The following CNTRL variants were observed in gnomAD, a reference collection of about 807,000 sequenced individuals.
CNTRL encodes the protein 110 kDa centrosomal protein.
CNTRL carries 233 observed loss-of-function variants against 303.7 expected under a neutral mutation model. The observed-to-expected ratio is 0.77, with a 90% CI of 0.69 to 0.86. The LOEUF (loss-of-function observed/expected upper bound fraction) is 0.86. CNTRL is among the 40% of genes least tolerant of loss of function. CNTRL has a pLI of 0.00. For synonymous variants in CNTRL, 900 were observed against 922.2 expected (o/e 0.98, Z 0.44); for missense variants, 2,524 against 2,650.6 (o/e 0.95, Z 1.05).
intron 14 of CNTRL, among the ~76,000 whole-genome samples, chr9:121,133,874 T>C (rs933072033): frequency 5.9e-5 from 9 of 152,240 alleles, no homozygotes; most frequent in African/African-American, 2.2e-4. Context: ...CCTTTGCTTC[T>C]AAATATTTCA....
chr9:121,093,052 C>T (rs142051682), intron 4 of CNTRL, among the ~76,000 whole-genome samples: 4,045 of 151,218 alleles, frequency 0.027, 182 homozygotes, highest in African/African-American at 0.094. Context: ...TGTGATCTCC[C>T]CTCCTCGGCT....
At chr9:121,136,320 T>C (rs533958237) in intron 15 of CNTRL, among the ~76,000 whole-genome samples, 1 of 151,300 alleles carries the variant, frequency 6.6e-6, no homozygotes, top group Non-Finnish European at 1.5e-5. Context: ...TTTAAGGACT[T>C]TTTTTTTTGA....
chr9:121,152,657 A>C lies in CNTRL; in HGVS notation c.4136A>C (p.Glu1379Ala). The C allele has an allele frequency of 6.2e-7, 1 of 1,613,876 alleles. No homozygotes were observed. Among genetic ancestry groups the C allele is most frequent in the Non-Finnish European group, 8.5e-7 (1 of 1,179,756 alleles). Residue 1379 changes from glutamate (E) to alanine (A), a missense_variant, in exon 26 of 44, where the codon GAA becomes GCA. Coordinates refer to ENST00000373855, the MANE Select transcript of CNTRL (RefSeq NM_007018.6). ...AAAAGCTTAGAGTGTGAAGTAGAAG[A>C]ATTACATAGAACTGTCCAGAAACGT... ...EKKSLECEVE[E>A]LHRTVQKRQQ...
At chr9:121,078,297 A>G (rs2048007789) in intron 1 of CNTRL, among the ~76,000 whole-genome samples, 1 of 152,110 alleles carries the variant, frequency 6.6e-6, no homozygotes, top group Admixed American at 6.5e-5. Flanking sequence ...AATCCCAGTT[A>G]CTCAGTAGGT....
intron 12 of CNTRL, 39 bp downstream of exon 12, chr9:121,118,579 T>A: frequency 6.8e-7 from 1 of 1,465,822 alleles, no homozygotes; most frequent in Non-Finnish European, 9.2e-7. Context: ...TCTGTCTACA[T>A]ATTACATGTC....
At chr9:121,166,588 G>T (rs1405954831) in intron 36 of CNTRL, among the ~76,000 whole-genome samples, 1 of 152,170 alleles carries the variant, frequency 6.6e-6, no homozygotes, top group African/African-American at 2.4e-5. Flanking sequence ...CCTCTATCTT[G>T]TCAGATATTG....
In CNTRL at chr9:121,152,665, A is replaced by G. The variant is rs2052345470; in HGVS notation, c.4144A>G (p.Arg1382Gly). ...SLECEVEELH[R>G]TVQKRQQQKD... Reference sequence around the variant, plus strand: ...AGAGTGTGAAGTAGAAGAATTACATAGAACTGTCCAGAAACGTCAACAGCA... The same window carrying G: ...AGAGTGTGAAGTAGAAGAATTACATGGAACTGTCCAGAAACGTCAACAGCA... Residue 1382 changes from arginine to glycine, a missense_variant, in exon 26 of 44, where the codon AGA becomes GGA. Transcript: ENST00000373855. 1 of 1,613,072 alleles carries G rather than the reference A, an allele frequency of 6.2e-7. No individual in the cohort carries two copies. The highest frequency in any genetic ancestry group is 1.7e-5 in the Admixed American group (1 of 59,970).
At position 121,123,959 on chromosome 9, in the gene CNTRL, A is replaced by G. The variant is rs2050372723; in HGVS notation, c.1679A>G (p.Lys560Arg). Residue 560 changes from lysine (K) to arginine (R), a missense_variant, in exon 13 of 44, where the codon AAA becomes AGA. Lys to Arg is a conservative substitution (Grantham distance 26, BLOSUM62 2). Transcript: ENST00000373855. ...HSHMKAQKSG[K>R]EQQLDIMNKQ... ...CATATGAAGGCTCAAAAGAGCGGTA[A>G]AGAACAACAGCTTGACATTATGAAC... 6.2e-7 allele frequency: 1 copy of G among 1,606,982 alleles called. No individual in the cohort carries two copies. Among genetic ancestry groups the G allele is most frequent in the Admixed American group, 1.7e-5 (1 of 58,744 alleles).
In CNTRL at chr9:121,148,795, C is replaced by A. The variant is rs762515435; in HGVS notation, c.3583C>A (p.Pro1195Thr). The A allele has an allele frequency of 4.3e-6, 7 of 1,614,040 alleles. No homozygotes were observed. Among genetic ancestry groups the A allele is most frequent in the South Asian group, 2.2e-5 (2 of 91,068 alleles). The change falls in exon 24 of 44, where the codon CCT (proline) becomes ACT (threonine). Residue 1195 changes from proline to threonine, a missense_variant. Coordinates refer to ENST00000373855, the MANE Select transcript of CNTRL (RefSeq NM_007018.6). ...QDGKEGSQPP[P>T]ASGYWVYSPI... ...TGGGAAGGAAGGCAGTCAACCTCCC[C>A]CTGCCTCAGGATACTGGGTTTATTC...
rs944913265 is a variant in CNTRL, at chr9:121,142,202, C to A, written c.2803C>A (p.Leu935Ile). 6.2e-7 allele frequency: 1 copy of A among 1,612,300 alleles called. No individual in the cohort carries two copies. The highest frequency in any genetic ancestry group is 8.5e-7 in the Non-Finnish European group (1 of 1,179,280). The change falls in exon 19 of 44, where the codon CTC becomes ATC. Residue 935 changes from leucine to isoleucine, a missense_variant. Transcript: ENST00000373855. Reference protein sequence around the residue: ...SMEEIQGLTDLQLQEADEEKE... With the variant: ...SMEEIQGLTDIQLQEADEEKE... ...GGAGGAAATCCAAGGCCTTACAGAT[C>A]TCCAACTTCAGGAAGCTGATGAAGA... is the stretch of plus-strand genomic sequence containing the variant.
At chr9:121,152,967 G>T (rs896307021) in intron 26 of CNTRL, among the ~76,000 whole-genome samples, 1 of 152,034 alleles carries the variant, frequency 6.6e-6, no homozygotes, top group African/African-American at 2.4e-5. Flanking sequence ...TCTTATTGTA[G>T]TCCCTCTTGG....
At chr9:121,131,906 G>A (rs1488599587) in intron 14 of CNTRL, among the ~76,000 whole-genome samples, 1 of 152,180 alleles carries the variant, frequency 6.6e-6, no homozygotes, top group Non-Finnish European at 1.5e-5. Context: ...TAGTTTGGTT[G>A]AATATGAGAT....
intron 20 of CNTRL, 81 bp from the exon 21 acceptor site, chr9:121,144,762 G>A: frequency 9.1e-7 from 1 of 1,098,954 alleles, no homozygotes; most frequent in Non-Finnish European, 1.4e-6. Context: ...GATGAAAGCA[G>A]AAGAATCAAT....
intron 18 of CNTRL, 67 bp from the exon 19 acceptor site, chr9:121,142,024 A>C: frequency 7.6e-7 from 1 of 1,324,360 alleles, no homozygotes; most frequent in Non-Finnish European, 1.0e-6. Flanking sequence ...AATTCTATAA[A>C]AAGTTTTTAT....
At chr9:121,088,575 C>T (rs1442911519) in intron 3 of CNTRL, 32 bp downstream of exon 3, 1 of 1,411,652 alleles carries the variant, frequency 7.1e-7, no homozygotes, top group South Asian at 1.2e-5. Flanking sequence ...ATTGGTCTGA[C>T]CACATACTTC....
At chr9:121,141,864 G>T (rs999910350) in intron 18 of CNTRL, among the ~76,000 whole-genome samples, 8 of 152,144 alleles carry the variant, frequency 5.3e-5, no homozygotes, top group Non-Finnish European at 1.0e-4. Context: ...CTAGAGTATG[G>T]TGTGTTGCCA....
intron 12 of CNTRL, among the ~76,000 whole-genome samples, chr9:121,119,521 C>G (rs1433757822): frequency 6.6e-6 from 1 of 151,998 alleles, no homozygotes; most frequent in Admixed American, 6.6e-5. Flanking sequence ...GTCTTGATCT[C>G]CTGACCTTGT....
rs1234196945 is a variant in CNTRL, at chr9:121,168,162, C to T, written c.5911C>T (p.Leu1971=). ...CAAATTAGAAACCAGTAAAGTGACA[C>T]TGAAGGAGCAACAGCACCAGCTGGA... The part of the protein sequence containing the change: ...ESKLETSKVT[L]KEQQHQLEKE... Residue 1971 remains leucine (L), a synonymous_variant, in exon 38 of 44, where the codon CTG becomes TTG. Transcript: ENST00000373855. 2.0e-5 allele frequency: 33 copies of T among 1,613,950 alleles called. No homozygotes were observed. Among genetic ancestry groups the T allele is most frequent in the Non-Finnish European group, 2.8e-5 (33 of 1,180,036 alleles).
At chr9:121,112,648 G>T in intron 9 of CNTRL, 70 bp downstream of exon 9, 1 of 1,469,926 alleles carries the variant, frequency 6.8e-7, no homozygotes, top group African/African-American at 1.4e-5. Context: ...GAGGGCAGGT[G>T]GTGAGGACAT....
Sources: gnomAD v4.1 joint callset for allele counts (sites outside exome capture counted in the v4.1 genomes callset) on GRCh38, gnomAD v4.1.1 for gene constraint, MANE v1.5 for transcripts, NCBI Gene and HGNC (gene_info 2026-07-23, HGNC 2026-07-21) for gene names.